The following HYDIN variants were observed in gnomAD, a reference collection of about 807,000 sequenced individuals.
The protein encoded by HYDIN is HYDIN axonemal central pair apparatus protein.
In HYDIN, 132 loss-of-function variants were observed where a neutral mutation model predicts 403.9. The observed-to-expected ratio is 0.33, with a 90% CI of 0.28 to 0.38. The LOEUF (loss-of-function observed/expected upper bound fraction) is 0.38, where lower values mean the gene tolerates loss of function less well. HYDIN is among the 10% of genes least tolerant of loss of function. The probability of loss-of-function intolerance (pLI) is 1.00; values close to 1 mark genes in which losing one functional copy is unlikely to be tolerated. For synonymous variants in HYDIN, 1,202 were observed against 1,891.7 expected (o/e 0.64, Z 9.46); for missense variants, 2,827 against 5,009.5 (o/e 0.56, Z 13.15).
At chr16:70,955,166 C>T (rs1288951975) in intron 40 of HYDIN, among the ~76,000 whole-genome samples, 4 of 152,082 alleles carry the variant, frequency 2.6e-5, no homozygotes, top group Non-Finnish European at 4.4e-5. Flanking sequence ...CCCACAGTGG[C>T]AAGAGCACGC....
intron 1 of HYDIN, among the ~76,000 whole-genome samples, chr16:71,213,101 T>G (rs942742955): frequency 6.6e-6 from 1 of 151,944 alleles, no homozygotes; most frequent in Non-Finnish European, 1.5e-5. Flanking sequence ...GTCCCAAGAA[T>G]AAGGGCAAAT....
chr16:70,859,218 G>A (rs574760544), intron 71 of HYDIN, among the ~76,000 whole-genome samples: 128 of 152,200 alleles, frequency 8.4e-4, no homozygotes, highest in African/African-American at 2.9e-3. Flanking sequence ...GGAGAATAGC[G>A]TGAACCCAGG....
chr16:70,871,084 G>A (rs2040067464), intron 65 of HYDIN, among the ~76,000 whole-genome samples: 1 of 151,862 alleles, frequency 6.6e-6, no homozygotes, highest in East Asian at 1.9e-4. Flanking sequence ...TTGTTCAGAG[G>A]ATTAACCATG....
intron 10 of HYDIN, among the ~76,000 whole-genome samples, chr16:71,100,698 G>A (rs528421857): frequency 1.5e-4 from 23 of 152,218 alleles, no homozygotes; most frequent in Admixed American, 3.9e-4. Flanking sequence ...TGGGATCTGC[G>A]GTAGGCTGAA....
intron 73 of HYDIN, among the ~76,000 whole-genome samples, chr16:70,851,077 G>A (rs957683660): frequency 6.6e-6 from 1 of 151,474 alleles, no homozygotes; most frequent in African/African-American, 2.4e-5. Flanking sequence ...CAAACTATAC[G>A]AAAACTAGAA....
At chr16:71,008,445 T>G (rs572211251) in intron 23 of HYDIN, among the ~76,000 whole-genome samples, 5 of 152,312 alleles carry the variant, frequency 3.3e-5, no homozygotes, top group Admixed American at 3.3e-4. Flanking sequence ...TGGTGGGTAC[T>G]CAATCATAGT....
chr16:71,004,196 C>A (rs2079816478), intron 23 of HYDIN, among the ~76,000 whole-genome samples: 2 of 151,812 alleles, frequency 1.3e-5, no homozygotes, highest in Non-Finnish European at 2.9e-5. Flanking sequence ...TGCCTGTAAT[C>A]TCAGCTACTC....
chr16:71,071,484 T>G (rs2082467055), intron 13 of HYDIN, among the ~76,000 whole-genome samples: 1 of 151,370 alleles, frequency 6.6e-6, no homozygotes, highest in Non-Finnish European at 1.5e-5. Flanking sequence ...TAGGGTCTAG[T>G]AGATAAAAAG....
intron 9 of HYDIN, among the ~76,000 whole-genome samples, chr16:71,124,699 G>C (rs373617537): frequency 1.3e-5 from 2 of 152,328 alleles, no homozygotes; most frequent in African/African-American, 4.8e-5. Context: ...TCTTTCCTCA[G>C]TAGTCAGGAG....
In HYDIN at chr16:70,941,762, T is replaced by C. The variant is rs770337944; in HGVS notation, c.6727A>G (p.Asn2243Asp). 14 of 1,592,398 alleles carry C rather than the reference T, an allele frequency of 8.8e-6. No individual in the cohort carries two copies. The highest frequency in any genetic ancestry group is 9.4e-6 in the Non-Finnish European group (11 of 1,170,618). Residue 2243 changes from asparagine (N) to aspartate (D), a missense_variant, in exon 43 of 86, where the codon AAT becomes GAT. Asn to Asp is a conservative substitution (Grantham distance 23). Coordinates refer to ENST00000393567, the MANE Select transcript of HYDIN (RefSeq NM_001270974.2). ...AGGCAGAGGAGGGCGGCTGCAGCATTCTGAGCAAAGAGAGTGTCGAGGCCA... is the reference window on the plus strand; with the variant it reads ...AGGCAGAGGAGGGCGGCTGCAGCATCCTGAGCAAAGAGAGTGTCGAGGCCA... ...FDGLDTLFAQ[N>D]AAAALLCLLK...
chr16:70,942,094 G>A (rs1388654291), intron 42 of HYDIN, among the ~76,000 whole-genome samples: 1 of 142,646 alleles, frequency 7.0e-6, no homozygotes, highest in Non-Finnish European at 1.5e-5. Context: ...GTGCAATCTC[G>A]GCTCACTGCA....
intron 23 of HYDIN, among the ~76,000 whole-genome samples, chr16:71,004,668 A>C (rs1012141032): frequency 4.6e-5 from 7 of 152,174 alleles, no homozygotes; most frequent in Non-Finnish European, 8.8e-5. Context: ...ATGAGTGTGA[A>C]ATGGCCTGAA....
At chr16:71,027,243 T>C (rs1568015763) in intron 20 of HYDIN, 2 of 1,136,194 alleles carry the variant, frequency 1.8e-6, no homozygotes, top group Non-Finnish European at 2.2e-6. Flanking sequence ...AGAGTGTCGA[T>C]ATAAACACCC....
chr16:71,004,158 T>C (rs1179399261), intron 23 of HYDIN, among the ~76,000 whole-genome samples: 8 of 151,804 alleles, frequency 5.3e-5, no homozygotes, highest in Non-Finnish European at 8.8e-5. Context: ...CTACTGAACA[T>C]ACAAAATTAG....
intron 73 of HYDIN, 72 bp from the exon 74 acceptor site, chr16:70,850,727 C>G: frequency 7.8e-7 from 1 of 1,287,504 alleles, no homozygotes; most frequent in Non-Finnish European, 1.1e-6. Flanking sequence ...TATGAGCCTA[C>G]TGAATTAGCA....
intron 1 of HYDIN, 77 bp downstream of exon 1, chr16:71,230,485 A>G: frequency 6.9e-7 from 1 of 1,447,028 alleles, no homozygotes; most frequent in Non-Finnish European, 9.1e-7. Context: ...GAGGACGAGG[A>G]CGAAAAGAGG....
chr16:70,817,828 A>G (rs181035675), intron 84 of HYDIN, among the ~76,000 whole-genome samples: 49 of 151,970 alleles, frequency 3.2e-4, no homozygotes, highest in Admixed American at 1.6e-3. Context: ...TGCAGCCTCC[A>G]CCTCCTGGGT....
chr16:70,960,872 T>C (rs2143950417), intron 38 of HYDIN, among the ~76,000 whole-genome samples: 1 of 152,268 alleles, frequency 6.6e-6, no homozygotes, highest in East Asian at 1.9e-4. Context: ...TTTGTATTTT[T>C]AGTACAGACA....
chr16:71,230,707 C>G lies in HYDIN; in HGVS notation c.-169G>C. ...CTCCATGCGCCGCCCGAGCTGTTGC[C>G]GTCCGTTGCCACGGTAACCACGGAG... is the stretch of plus-strand genomic sequence containing the variant. On this transcript the variant is annotated 5_prime_UTR_variant, in exon 1 of 86. Transcript: ENST00000393567. 6.5e-7 allele frequency: 1 copy of G among 1,535,988 alleles called. No individual in the cohort carries two copies. The highest frequency in any genetic ancestry group is 8.7e-7 in the Non-Finnish European group (1 of 1,146,848).
Sources: gnomAD v4.1 joint callset for allele counts (sites outside exome capture counted in the v4.1 genomes callset) on GRCh38, gnomAD v4.1.1 for gene constraint, MANE v1.5 for transcripts, NCBI Gene and HGNC (gene_info 2026-07-23, HGNC 2026-07-21) for gene names.